Variants in SLC12A1 observed in about 807,000 individuals in gnomAD.
SLC12A1 encodes the protein Na-K-2Cl cotransporter.
In SLC12A1, 89 loss-of-function variants were observed where a neutral mutation model predicts 130.4. That is an observed-to-expected ratio of 0.68 (90% CI 0.58 to 0.81). The LOEUF (loss-of-function observed/expected upper bound fraction) is 0.81, where lower values mean the gene tolerates loss of function less well. Among genes scored for constraint, SLC12A1 ranks in the 40% least tolerant of loss-of-function variants. SLC12A1 has a pLI of 0.00. For missense variants in SLC12A1, 1,310 were observed against 1,336.4 expected, an observed-to-expected ratio of 0.98 and a Z score of 0.31; for synonymous variants, 499 against 460.0, an observed-to-expected ratio of 1.08 and a Z score of -1.09.
At chr15:48,295,830 C>T (rs1047446091) in intron 24 of SLC12A1, among the ~76,000 whole-genome samples, 21 of 152,128 alleles carry the variant, frequency 1.4e-4, no homozygotes, top group African/African-American at 5.1e-4. Flanking sequence ...ATAGTGATGC[C>T]ATATTACCTT....
At chr15:48,227,123 C>A (rs896992200) in intron 5 of SLC12A1, 2 of 1,552,232 alleles carry the variant, frequency 1.3e-6, no homozygotes, top group Non-Finnish European at 1.7e-6. Flanking sequence ...AGTAACGACA[C>A]TCACAGGTAT....
intron 15 of SLC12A1, among the ~76,000 whole-genome samples, chr15:48,252,975 C>T (rs2041664894): frequency 1.3e-5 from 2 of 152,074 alleles, no homozygotes; most frequent in South Asian, 4.1e-4. Flanking sequence ...TAGGAAGATG[C>T]CACAGGCTAA....
At position 48,301,303 on chromosome 15, in the gene SLC12A1, T is replaced by C; in HGVS notation, c.3097-12T>C. 2.5e-6 allele frequency: 4 copies of C among 1,588,488 alleles called. No homozygotes were observed. The highest frequency in any genetic ancestry group is 3.4e-6 in the Non-Finnish European group (4 of 1,163,784). On this transcript the variant is annotated splice_polypyrimidine_tract_variant and intron_variant, in intron 25 of 26. Coordinates refer to ENST00000380993, the MANE Select transcript of SLC12A1 (RefSeq NM_000338.3). ...TAGAACTGTACTCAACAAATCTGAA[T>C]GTTGCCCACAGAGTTACCGCCAAGT...
At chr15:48,222,819 C>T (rs567974504) in intron 4 of SLC12A1, 1 of 152,192 alleles carries the variant, frequency 6.6e-6, no homozygotes, top group East Asian at 1.9e-4. Flanking sequence ...AATCTGAATA[C>T]ATTTTCAAGC....
At chr15:48,213,328 C>T (rs921662676) in intron 2 of SLC12A1, among the ~76,000 whole-genome samples, 3 of 152,100 alleles carry the variant, frequency 2.0e-5, no homozygotes, top group Admixed American at 6.5e-5. Flanking sequence ...GAGGTACTTC[C>T]TTGTTTCAGT....
intron 24 of SLC12A1, 50 bp from the exon 25 acceptor site, chr15:48,299,090 T>C: frequency 6.5e-7 from 1 of 1,533,754 alleles, no homozygotes; most frequent in Non-Finnish European, 8.8e-7. Flanking sequence ...ATCTGTGAAA[T>C]AATGAGTTAG....
intron 20 of SLC12A1, 95 bp from the exon 21 acceptor site, chr15:48,285,011 C>A: frequency 1.1e-6 from 1 of 888,170 alleles, no homozygotes; most frequent in Non-Finnish European, 1.7e-6. Context: ...TATTTTATCA[C>A]ATACATACCA....
At chr15:48,257,569 C>CA (rs1210360884) in intron 16 of SLC12A1, among the ~76,000 whole-genome samples, 2 of 152,198 alleles carry the variant, frequency 1.3e-5, no homozygotes, top group Non-Finnish European at 2.9e-5. Flanking sequence ...CCCACAGGAC[C>CA]AACACCACAT....
At chr15:48,295,205 T>C (rs1325855786) in intron 24 of SLC12A1, among the ~76,000 whole-genome samples, 2 of 151,748 alleles carry the variant, frequency 1.3e-5, no homozygotes, top group African/African-American at 4.8e-5. Flanking sequence ...CCACCACACC[T>C]GGCCTCACCC....
rs2042254771 is a variant in SLC12A1, at chr15:48,303,211, C to A, written c.*326C>A. On this transcript the variant is annotated 3_prime_UTR_variant, in exon 27 of 27. Coordinates refer to ENST00000380993, the MANE Select transcript of SLC12A1 (RefSeq NM_000338.3). ...TGTAAACTTCTCCAGACAAACTTAACCTTTTGTTTCTTAATTTTTTGTTTT... is the reference window on the plus strand; with the variant it reads ...TGTAAACTTCTCCAGACAAACTTAAACTTTTGTTTCTTAATTTTTTGTTTT... 1 of 178,366 alleles carries A rather than the reference C, an allele frequency of 5.6e-6. No homozygotes were observed. The highest frequency in any genetic ancestry group is 6.2e-5 in the Admixed American group (1 of 16,214). The allele number at this position is 178,366 out of a possible 1,614,324, so 11.0% of individuals were successfully genotyped here.
intron 10 of SLC12A1, among the ~76,000 whole-genome samples, chr15:48,242,551 C>T (rs961017865): frequency 6.6e-6 from 1 of 152,104 alleles, no homozygotes; most frequent in Admixed American, 6.6e-5. Flanking sequence ...GCCTGTAATC[C>T]CACTAATTTG....
chr15:48,229,193 G>C lies in SLC12A1; in HGVS notation c.729G>C (p.Gly243=). 1.3e-6 allele frequency: 2 copies of C among 1,586,308 alleles called. No individual in the cohort carries two copies. Among genetic ancestry groups the C allele is most frequent in the Non-Finnish European group, 1.7e-6 (2 of 1,165,146 alleles). ...IATNGFVRGG[G]AYYLISRSLG... Reference sequence around the variant, plus strand: ...TATGTTCATTTCTTGTTTCAGGTGGGGCCTACTATCTTATTTCCAGAAGTT... The same window carrying C: ...TATGTTCATTTCTTGTTTCAGGTGGCGCCTACTATCTTATTTCCAGAAGTT... Residue 243 remains glycine, a synonymous_variant, in exon 6 of 27, where the codon GGG becomes GGC. Transcript: ENST00000380993.
In SLC12A1 at chr15:48,208,123, A is replaced by G. The variant is rs763941142; in HGVS notation, c.404A>G (p.His135Arg). 3 of 1,587,496 alleles carry G rather than the reference A, an allele frequency of 1.9e-6. No homozygotes were observed. Among genetic ancestry groups the G allele is most frequent in the Non-Finnish European group, 2.6e-6 (3 of 1,165,850 alleles). The change falls in exon 2 of 27, where the codon CAC becomes CGC. Residue 135 changes from histidine (H) to arginine (R), a missense_variant. Coordinates refer to ENST00000380993, the MANE Select transcript of SLC12A1 (RefSeq NM_000338.3). Reference protein sequence around the residue: ...KVNRPSLLEIHEQLAKNVAVT... With the variant: ...KVNRPSLLEIREQLAKNVAVT... ...AACCGACCCAGCCTGCTTGAGATTC[A>G]CGAGCAACTCGCAAAGGTAAGCTTG...
intron 2 of SLC12A1, among the ~76,000 whole-genome samples, chr15:48,211,143 C>A (rs2041047592): frequency 6.6e-6 from 1 of 152,134 alleles, no homozygotes; most frequent in South Asian, 2.1e-4. Context: ...ATCTAGGACC[C>A]TTCATCTTGA....
chr15:48,285,446 C>T (rs879732367), intron 21 of SLC12A1, among the ~76,000 whole-genome samples, 197 bp downstream of exon 21: 1 of 152,154 alleles, frequency 6.6e-6, no homozygotes, highest in Non-Finnish European at 1.5e-5. Context: ...GTACTTTGTA[C>T]CATCTTACTG....
At chr15:48,232,280 C>T (rs1281289835) in intron 7 of SLC12A1, among the ~76,000 whole-genome samples, 2 of 152,208 alleles carry the variant, frequency 1.3e-5, no homozygotes, top group Non-Finnish European at 2.9e-5. Flanking sequence ...GTCAAGTGCA[C>T]TGGGAATCAC....
chr15:48,292,687 G>A (rs779118356), intron 24 of SLC12A1, among the ~76,000 whole-genome samples: 77 of 152,050 alleles, frequency 5.1e-4, no homozygotes, highest in Non-Finnish European at 9.6e-4. Flanking sequence ...GTAGATGGCC[G>A]CCTCCTTGCT....
At chr15:48,289,236 C>A (rs1270677923) in intron 23 of SLC12A1, among the ~76,000 whole-genome samples, 2 of 151,346 alleles carry the variant, frequency 1.3e-5, no homozygotes, top group East Asian at 1.9e-4. Flanking sequence ...CAGAAAACCA[C>A]CTTCAGCAGC....
At chr15:48,241,465 G>A in intron 9 of SLC12A1, 50 bp from the exon 10 acceptor site, 3 of 1,357,240 alleles carry the variant, frequency 2.2e-6, no homozygotes, top group South Asian at 1.2e-5. Flanking sequence ...AGTGATCTAT[G>A]GTTCTTATTC....
Sources: allele counts gnomAD v4.1 joint callset (sites outside exome capture counted in the v4.1 genomes callset), GRCh38; gene constraint gnomAD v4.1.1; transcripts MANE v1.5; gene names NCBI Gene and HGNC (gene_info 2026-07-23, HGNC 2026-07-21).